Variants in IQSEC1 observed in about 807,000 individuals in gnomAD.
IQSEC1 encodes the protein IQ motif and Sec7 domain ArfGEF 1, also known as IQ motif and SEC7 domain-containing protein 1.
IQSEC1 carries 31 observed loss-of-function variants against 91.0 expected under a neutral mutation model. That is an observed-to-expected ratio of 0.34 (90% CI 0.26 to 0.46). IQSEC1 has a LOEUF of 0.46. Ranked by LOEUF, IQSEC1 falls within the 20% of genes least tolerant of loss-of-function variation. The probability of loss-of-function intolerance (pLI) is 1.00; values close to 1 mark genes in which losing one functional copy is unlikely to be tolerated. For synonymous variants in IQSEC1, 699 were observed against 662.6 expected, an observed-to-expected ratio of 1.05 and a Z score of -0.84; for missense variants, 1,388 against 1,575.6, an observed-to-expected ratio of 0.88 and a Z score of 2.02.
intron 1 of IQSEC1, among the ~76,000 whole-genome samples, chr3:13,042,958 G>A (rs1027775021): frequency 2.6e-5 from 4 of 152,190 alleles, no homozygotes; most frequent in Admixed American, 6.5e-5. Context: ...CGGCCTGTGC[G>A]AGGGAAAACT....
intron 1 of IQSEC1, among the ~76,000 whole-genome samples, chr3:13,254,570 G>T (rs544182123): frequency 2.6e-4 from 39 of 152,372 alleles, no homozygotes; most frequent in Non-Finnish European, 3.1e-4. Context: ...AGCACCGGCT[G>T]CAGGAAAACC....
chr3:13,173,844 A>C (rs2125005065), intron 1 of IQSEC1, among the ~76,000 whole-genome samples: 1 of 152,286 alleles, frequency 6.6e-6, no homozygotes, highest in South Asian at 2.1e-4. Context: ...TTAGAAATGC[A>C]AATTCTCTGG....
intron 1 of IQSEC1, among the ~76,000 whole-genome samples, chr3:13,061,047 T>A (rs1274669924): frequency 6.6e-6 from 1 of 152,058 alleles, no homozygotes. Context: ...CCAATACACA[T>A]ACACAAGGGT....
intron 1 of IQSEC1, among the ~76,000 whole-genome samples, chr3:13,176,551 T>C (rs1693733644): frequency 6.6e-6 from 1 of 151,818 alleles, no homozygotes; most frequent in South Asian, 2.1e-4. Context: ...GATCATCAGT[T>C]CCCCCTCCTG....
chr3:13,164,719 C>G (rs893868870), intron 1 of IQSEC1, among the ~76,000 whole-genome samples: 1 of 152,200 alleles, frequency 6.6e-6, no homozygotes, highest in Non-Finnish European at 1.5e-5. Flanking sequence ...ACTGTGACTA[C>G]GCGGTATTGA....
intron 1 of IQSEC1, chr3:13,021,960 C>T (rs1463262743): frequency 1.1e-5 from 11 of 1,036,970 alleles, no homozygotes; most frequent in Admixed American, 4.3e-5. Context: ...TTCCTGGACC[C>T]TGTACAGCCA....
chr3:13,273,085 T>G (rs1695615809), intron 1 of IQSEC1, among the ~76,000 whole-genome samples: 1 of 152,150 alleles, frequency 6.6e-6, no homozygotes, highest in Admixed American at 6.5e-5. Context: ...CAGGGAGGTT[T>G]TATAACCCCA....
intron 1 of IQSEC1, among the ~76,000 whole-genome samples, chr3:13,015,262 T>A (rs78928432): frequency 0.13 from 19,113 of 152,182 alleles, 1,383 homozygotes; most frequent in African/African-American, 0.2. Context: ...CAACACTCCC[T>A]GCCATCCAGG....
At chr3:13,112,824 C>A (rs936670284) in intron 2 of IQSEC1, among the ~76,000 whole-genome samples, 8 of 152,232 alleles carry the variant, frequency 5.3e-5, no homozygotes, top group African/African-American at 1.9e-4. Context: ...GCCTGAATGA[C>A]TCTGGAGGCT....
chr3:13,199,171 G>A (rs1335701409), intron 1 of IQSEC1, among the ~76,000 whole-genome samples: 2 of 152,230 alleles, frequency 1.3e-5, no homozygotes, highest in East Asian at 1.9e-4. Flanking sequence ...CCTCACATCA[G>A]AGAGAGCTCT....
intron 1 of IQSEC1, among the ~76,000 whole-genome samples, chr3:13,184,813 G>A (rs1038437749): frequency 1.3e-5 from 2 of 152,186 alleles, no homozygotes; most frequent in African/African-American, 4.8e-5. Flanking sequence ...TGGCCAGTTG[G>A]GAATTGAAGT....
Position 12,899,944 on chromosome 3 carries a change from C to T in IQSEC1, c.*1039G>A, listed in dbSNP as rs930201689. On this transcript the variant is annotated 3_prime_UTR_variant, in exon 14 of 14. Coordinates refer to ENST00000613206, the MANE Select transcript of IQSEC1 (RefSeq NM_001134382.3). ...TCTCGGAGGACTCTGAATGAGTGTG[C>T]GTCAAATCATATGCGCATAAAAGAA... The T allele has an allele frequency of 1.4e-5, 14 of 984,906 alleles. No individual in the cohort carries two copies. Among genetic ancestry groups the T allele is most frequent in the East Asian group, 2.3e-4 (2 of 8,818 alleles). 61.0% of individuals were successfully genotyped at this position (984,906 alleles called of 1,614,324 possible). A position where few individuals can be genotyped will look rare whatever the true frequency, so the allele number is the denominator to read the frequency against.
chr3:13,071,153 G>GTTTTTTTTT (rs796412810), intron 1 of IQSEC1, among the ~76,000 whole-genome samples: 156 of 90,924 alleles, frequency 1.7e-3, no homozygotes, highest in East Asian at 2.9e-3. Flanking sequence ...GTTTTTTTTT[G>GTTTTTTTTT]TTTTTTTTTT....
intron 3 of IQSEC1, among the ~76,000 whole-genome samples, chr3:12,929,046 C>G (rs1322899746): frequency 6.6e-6 from 1 of 152,096 alleles, no homozygotes; most frequent in East Asian, 1.9e-4. Context: ...AGATAAAGTC[C>G]AAGAATACAG....
chr3:13,123,606 C>G (rs1370761407), intron 2 of IQSEC1, among the ~76,000 whole-genome samples: 1 of 152,262 alleles, frequency 6.6e-6, no homozygotes, highest in African/African-American at 2.4e-5. Flanking sequence ...CAAGTGCCAC[C>G]AGCCAGCCTT....
chr3:13,027,791 C>T (rs1703679004), intron 1 of IQSEC1, among the ~76,000 whole-genome samples: 1 of 152,178 alleles, frequency 6.6e-6, no homozygotes, highest in Non-Finnish European at 1.5e-5. Flanking sequence ...ACAACTGTGG[C>T]TTGGCTCTGG....
In IQSEC1 at chr3:12,924,958, G is replaced by T. The variant is rs1032631037; in HGVS notation, c.1569-216C>A. On this transcript the variant is annotated intron_variant, in intron 3 of 13. Transcript: ENST00000613206. This position sits in a 1 kb window ranked among gnomAD's most constrained non-coding sequence, Gnocchi z 6.3. ...GGCACTGGAAGACCCTGGGCTCCAG[G>T]CATCCTGCCCTGTCCCAAAACCCAA... Among the ~76,000 whole-genome samples, 1 of 152,194 alleles carries T rather than the reference G, an allele frequency of 6.6e-6. No homozygotes were observed. Among genetic ancestry groups the T allele is most frequent in the East Asian group, 1.9e-4 (1 of 5,196 alleles).
intron 2 of IQSEC1, among the ~76,000 whole-genome samples, chr3:13,110,957 C>T (rs73016630): frequency 0.06 from 9,071 of 152,238 alleles, 358 homozygotes; most frequent in East Asian, 0.16. Flanking sequence ...CCAGCTGTCA[C>T]CCCCATAAGA....
chr3:13,281,983 G>A (rs913118428), intron 1 of IQSEC1, among the ~76,000 whole-genome samples: 1 of 152,176 alleles, frequency 6.6e-6, no homozygotes, highest in Non-Finnish European at 1.5e-5. Context: ...TTTCGACACC[G>A]ACACTCATGG....
Sources: gnomAD v4.1 joint callset for allele counts (sites outside exome capture counted in the v4.1 genomes callset) on GRCh38, gnomAD v4.1.1 for gene constraint, Gnocchi (gnomAD v3.1) non-coding constraint, MANE v1.5 for transcripts, NCBI Gene and HGNC (gene_info 2026-07-23, HGNC 2026-07-21) for gene names.